The following RALGPS2 variants were observed in gnomAD, a reference collection of about 807,000 sequenced individuals.
The protein encoded by RALGPS2 is Ral GEF with PH domain and SH3 binding motif 2.
A neutral mutation model predicts 86.8 loss-of-function variants in RALGPS2; 43 were observed. That is an observed-to-expected ratio of 0.50 (90% confidence interval 0.39 to 0.64). The LOEUF (loss-of-function observed/expected upper bound fraction) is 0.64, where lower values mean the gene tolerates loss of function less well. Ranked by LOEUF, RALGPS2 falls within the 30% of genes least tolerant of loss-of-function variation. The pLI is 0.00. For synonymous variants in RALGPS2, 243 were observed against 231.3 expected (o/e 1.05, Z -0.46); for missense variants, 536 against 694.6 (o/e 0.77, Z 2.57).
chr1:178,843,734 C>T (rs1010732451), intron 8 of RALGPS2, among the ~76,000 whole-genome samples: 7 of 151,440 alleles, frequency 4.6e-5, no homozygotes, highest in African/African-American at 1.5e-4. Context: ...ATAGCATCTG[C>T]ATAATTTTAG....
At chr1:178,880,368 C>A (rs1020523582) in intron 10 of RALGPS2, among the ~76,000 whole-genome samples, 2 of 152,042 alleles carry the variant, frequency 1.3e-5, no homozygotes, top group Non-Finnish European at 2.9e-5. Context: ...TTTGAAAATG[C>A]CTTTATTGCC....
intron 8 of RALGPS2, among the ~76,000 whole-genome samples, chr1:178,873,742 T>G (rs1431659562): frequency 6.6e-6 from 1 of 152,238 alleles, no homozygotes; most frequent in Non-Finnish European, 1.5e-5. Context: ...TTGTCACACA[T>G]TAGCTTGTTC....
chr1:178,754,163 T>C (rs1413701792), intron 1 of RALGPS2, among the ~76,000 whole-genome samples: 1 of 151,852 alleles, frequency 6.6e-6, no homozygotes, highest in Non-Finnish European at 1.5e-5. Context: ...TTCTGTATAA[T>C]TTGGGAGAAT....
At chr1:178,820,358 GC>G (rs1318279118) in intron 6 of RALGPS2, among the ~76,000 whole-genome samples, 1 of 152,136 alleles carries the variant, frequency 6.6e-6, no homozygotes, top group Admixed American at 6.6e-5. Context: ...AGCAAATCTA[GC>G]CTTTAAAGAG....
intron 1 of RALGPS2, among the ~76,000 whole-genome samples, chr1:178,776,457 T>C (rs1653089018): frequency 6.6e-6 from 1 of 152,226 alleles, no homozygotes; most frequent in African/African-American, 2.4e-5. Context: ...GCTTTGCTTA[T>C]GAAGAACATA....
intron 1 of RALGPS2, among the ~76,000 whole-genome samples, chr1:178,741,614 G>A (rs1271053234): frequency 6.6e-6 from 1 of 152,106 alleles, no homozygotes; most frequent in African/African-American, 2.4e-5. Flanking sequence ...ACCATGGTAA[G>A]TTAAAGTTAA....
Position 178,811,489 on chromosome 1 carries a change from C to G in RALGPS2, c.387+85C>G, listed in dbSNP as rs1654973496. 3 of 983,370 alleles carry G rather than the reference C, an allele frequency of 3.1e-6. No individual in the cohort carries two copies. In the South Asian group the frequency reaches 5.0e-5, roughly 16 times the overall value. The allele number at this position is 983,370 out of a possible 1,614,324, so 60.9% of individuals were successfully genotyped here. A position where few individuals can be genotyped will look rare whatever the true frequency, so the allele number is the denominator to read the frequency against. On this transcript the variant is annotated intron_variant, in intron 6 of 19. Transcript: ENST00000367635. ...ATAAATATTCGTGATGCTTTATTCACTGTTTATTGATACTGGAAAAATAAG... is the reference window on the plus strand; with the variant it reads ...ATAAATATTCGTGATGCTTTATTCAGTGTTTATTGATACTGGAAAAATAAG...
chr1:178,777,825 A>T (rs1653174812), intron 2 of RALGPS2, among the ~76,000 whole-genome samples: 1 of 150,244 alleles, frequency 6.7e-6, no homozygotes. Context: ...GGTGCTGGGA[A>T]AACTGGCTAG....
At chr1:178,893,269 T>C (rs12728968) in intron 15 of RALGPS2, among the ~76,000 whole-genome samples, 35,517 of 151,332 alleles carry the variant, frequency 0.23, 4,885 homozygotes, top group Non-Finnish European at 0.32. Context: ...AAAAGATACA[T>C]GAAAAGGAAA....
intron 1 of RALGPS2, among the ~76,000 whole-genome samples, chr1:178,776,259 T>C (rs925720973): frequency 2.0e-5 from 3 of 152,186 alleles, no homozygotes; most frequent in African/African-American, 7.2e-5. Flanking sequence ...GTAATCTAGA[T>C]CACTAGCTGT....
chr1:178,881,343 G>C (rs1179135954), intron 10 of RALGPS2, among the ~76,000 whole-genome samples: 1 of 152,184 alleles, frequency 6.6e-6, no homozygotes, highest in Non-Finnish European at 1.5e-5. Flanking sequence ...GGAAAAGTAT[G>C]CTGGGGATGG....
intron 1 of RALGPS2, among the ~76,000 whole-genome samples, chr1:178,748,850 CAAAA>C (rs568753748): frequency 1.2e-4 from 12 of 97,452 alleles, no homozygotes; most frequent in Admixed American, 3.1e-4. Flanking sequence ...GACTCTGTCT[CAAAA>C]AAAAAAAAAA....
intron 1 of RALGPS2, among the ~76,000 whole-genome samples, chr1:178,730,952 G>C (rs571101247): frequency 6.6e-6 from 1 of 151,996 alleles, no homozygotes; most frequent in South Asian, 2.1e-4. Context: ...CCCACCTCAG[G>C]CTCCCAGAGT....
intron 8 of RALGPS2, among the ~76,000 whole-genome samples, chr1:178,837,103 A>AT (rs1408790659): frequency 6.6e-6 from 1 of 152,052 alleles, no homozygotes; most frequent in Non-Finnish European, 1.5e-5. Flanking sequence ...TTCTTACTCT[A>AT]TATAATCGGA....
At chr1:178,742,741 G>T (rs1364420252) in intron 1 of RALGPS2, among the ~76,000 whole-genome samples, 1 of 152,310 alleles carries the variant, frequency 6.6e-6, no homozygotes, top group South Asian at 2.1e-4. Flanking sequence ...AAAGGGTTGA[G>T]ATCCTTCAAA....
chr1:178,777,389 A>T (rs1653150379), intron 2 of RALGPS2, among the ~76,000 whole-genome samples: 1 of 151,900 alleles, frequency 6.6e-6, no homozygotes. Context: ...AAGGAAATAA[A>T]AGAGGATACA....
chr1:178,813,458 TG>T (rs1479924237), intron 6 of RALGPS2, among the ~76,000 whole-genome samples: 9 of 152,168 alleles, frequency 5.9e-5, no homozygotes, highest in African/African-American at 2.2e-4. Flanking sequence ...AACTCATAAT[TG>T]TTTTTTTCTC....
At chr1:178,895,656 G>T (rs988459722) in intron 16 of RALGPS2, among the ~76,000 whole-genome samples, 1 of 151,978 alleles carries the variant, frequency 6.6e-6, no homozygotes, top group African/African-American at 2.4e-5. Flanking sequence ...CAAGTAAGAG[G>T]CAAAAGCTGG....
chr1:178,826,464 T>C (rs1026652846), intron 7 of RALGPS2, among the ~76,000 whole-genome samples: 4 of 152,176 alleles, frequency 2.6e-5, no homozygotes, highest in African/African-American at 9.7e-5. Context: ...ACAAATACTG[T>C]ATAATTCCTA....
Sources: gnomAD v4.1 joint callset for allele counts (sites outside exome capture counted in the v4.1 genomes callset) on GRCh38, gnomAD v4.1.1 for gene constraint, MANE v1.5 for transcripts, NCBI Gene and HGNC (gene_info 2026-07-23, HGNC 2026-07-21) for gene names.